The following NSUN7 variants were observed in gnomAD, a reference collection of about 807,000 sequenced individuals.
NSUN7 encodes the protein NOP2/Sun RNA methyltransferase family member 7.
In NSUN7, 39 loss-of-function variants were observed where a neutral mutation model predicts 58.5. The ratio of observed to expected loss-of-function variants is 0.67; its 90% CI spans 0.52 to 0.87. NSUN7 has a LOEUF of 0.87. Among genes scored for constraint, NSUN7 ranks in the 40% least tolerant of loss-of-function variants. The pLI, the probability that NSUN7 is intolerant of heterozygous loss-of-function variation, is 0.00. For synonymous variants in NSUN7, 278 were observed against 303.7 expected, an observed-to-expected ratio of 0.92 and a Z score of 0.88; for missense variants, 765 against 844.1, an observed-to-expected ratio of 0.91 and a Z score of 1.16.
intron 3 of NSUN7, among the ~76,000 whole-genome samples, chr4:40,760,775 T>C (rs987452205): frequency 2.0e-5 from 3 of 150,556 alleles, no homozygotes; most frequent in African/African-American, 7.4e-5. Context: ...GCAGGAGAAT[T>C]GCTTGAAAAC....
chr4:40,807,319 C>G (rs930403773), intron 11 of NSUN7, 135 bp downstream of exon 11: 14 of 769,272 alleles, frequency 1.8e-5, no homozygotes, highest in African/African-American at 1.5e-4. Context: ...AGCTGAAGGG[C>G]AGGAACAAGA....
At chr4:40,805,784 T>C (rs1279299219) in intron 10 of NSUN7, among the ~76,000 whole-genome samples, 1 of 152,170 alleles carries the variant, frequency 6.6e-6, no homozygotes, top group Non-Finnish European at 1.5e-5. Context: ...TCCCAGCTTG[T>C]GGTGGTTGCT....
At chr4:40,789,123 T>A (rs1218529830) in intron 7 of NSUN7, among the ~76,000 whole-genome samples, 1 of 152,206 alleles carries the variant, frequency 6.6e-6, no homozygotes, top group Non-Finnish European at 1.5e-5. Flanking sequence ...TGTTAAGTAG[T>A]TTTGCCTCTT....
intron 7 of NSUN7, among the ~76,000 whole-genome samples, chr4:40,788,888 AC>A: frequency 6.6e-6 from 1 of 152,282 alleles, no homozygotes; most frequent in South Asian, 2.1e-4. Flanking sequence ...TGCAGTTCTT[AC>A]ATCTGTACAC....
At chr4:40,755,779 A>G (rs1741113736) in intron 2 of NSUN7, among the ~76,000 whole-genome samples, 1 of 152,228 alleles carries the variant, frequency 6.6e-6, no homozygotes, top group Non-Finnish European at 1.5e-5. Context: ...CAGTGAAAGG[A>G]CAGATTAAAA....
At chr4:40,751,443 A>G (rs1486777805) in intron 2 of NSUN7, among the ~76,000 whole-genome samples, 1 of 152,056 alleles carries the variant, frequency 6.6e-6, no homozygotes, top group Non-Finnish European at 1.5e-5. Context: ...ATTTCTTTCC[A>G]TTCCCTGTGT....
chr4:40,801,466 T>C (rs1432699750), intron 10 of NSUN7, among the ~76,000 whole-genome samples: 1 of 152,246 alleles, frequency 6.6e-6, no homozygotes, highest in African/African-American at 2.4e-5. Context: ...ACTTTCCCAC[T>C]GTTTTCAACT....
At position 40,765,402 on chromosome 4, in the gene NSUN7, G is replaced by A. The variant is rs199891471; in HGVS notation, c.488+4101G>A. On this transcript the variant is annotated intron_variant, in intron 4 of 11. Transcript: ENST00000381782. ...GATCAGATAGTTGTAGATATGTGGC[G>A]TTATTTCTGAGGGCTCTGTTCTGTT... is the stretch of plus-strand genomic sequence containing the variant. 3.4e-4 allele frequency among the ~76,000 whole-genome samples: 50 copies of A among 148,090 alleles called. No homozygotes were observed. The East Asian group carries it at 9.9e-3, about 29-fold the overall frequency.
intron 4 of NSUN7, chr4:40,773,004 A>G (rs1163572989): frequency 6.6e-6 from 1 of 152,246 alleles, no homozygotes; most frequent in Non-Finnish European, 1.5e-5. Context: ...TTGAGCCATC[A>G]TGGTGATGCT....
Position 40,807,094 on chromosome 4 carries a change from A to C in NSUN7, c.1434A>C (p.Leu478Phe). ...LSPPVLPLCSLKEIQLSTDKF... is the reference protein window; with the variant it reads ...LSPPVLPLCSFKEIQLSTDKF... The stretch of plus-strand genomic sequence containing the variant: ...CTCCTGTTCTTCCACTGTGCTCCTT[A>C]AAGGAAATTCAATTGTCTACTGATA... The change falls in exon 11 of 12, where the codon TTA becomes TTC. Residue 478 changes from leucine to phenylalanine, a missense_variant. Leu to Phe is a conservative substitution (Grantham distance 22). Transcript: ENST00000381782. 1 of 1,551,796 alleles carries C rather than the reference A, an allele frequency of 6.4e-7. No individual in the cohort carries two copies. Among genetic ancestry groups the C allele is most frequent in the Non-Finnish European group, 8.7e-7 (1 of 1,146,908 alleles).
chr4:40,790,064 CT>C (rs60071501), intron 7 of NSUN7, among the ~76,000 whole-genome samples: 33,358 of 121,134 alleles, frequency 0.28, 3,692 homozygotes, highest in Non-Finnish European at 0.31. Context: ...CCTCCCCCAC[CT>C]TTTTTTTTTT....
At chr4:40,807,335 C>T (rs915612949) in intron 11 of NSUN7, among the ~76,000 whole-genome samples, 151 bp downstream of exon 11, 10 of 147,610 alleles carry the variant, frequency 6.8e-5, no homozygotes, top group Non-Finnish European at 1.5e-4. Flanking sequence ...CAAGAATTGG[C>T]AAATAAGCCC....
rs763964466 is a variant in NSUN7, at chr4:40,794,439, T to C, written c.1245T>C (p.Ala415=). The change falls in exon 9 of 12, where the codon GCT becomes GCC. Residue 415 remains alanine, a synonymous_variant. Transcript: ENST00000381782. ...GISVDKLHVL[A]QQQYEQLTHA... is the part of the protein sequence containing the mutation. Reference sequence around the variant, plus strand: ...CAGTGGACAAACTTCACGTTCTTGCTCAACAGCAGTATGAACAGCTAACAC... The same window carrying C: ...CAGTGGACAAACTTCACGTTCTTGCCCAACAGCAGTATGAACAGCTAACAC... The C allele has an allele frequency of 9.9e-6, 16 of 1,612,462 alleles. No homozygotes were observed. Among genetic ancestry groups the C allele is most frequent in the Non-Finnish European group, 1.4e-5 (16 of 1,178,866 alleles).
At chr4:40,757,535 TTATA>T (rs1246460084) in intron 2 of NSUN7, among the ~76,000 whole-genome samples, 3 of 144,308 alleles carry the variant, frequency 2.1e-5, no homozygotes, top group African/African-American at 5.1e-5. Context: ...AAAGGTAAAA[TTATA>T]TATATATATA....
intron 7 of NSUN7, among the ~76,000 whole-genome samples, chr4:40,780,210 G>T (rs755686112): frequency 1.1e-4 from 17 of 152,152 alleles, no homozygotes; most frequent in Non-Finnish European, 1.5e-4. Context: ...AACCCCAGAC[G>T]CAGAGGTTGC....
chr4:40,777,565 C>T (rs1742330836), intron 7 of NSUN7, among the ~76,000 whole-genome samples: 1 of 152,200 alleles, frequency 6.6e-6, no homozygotes, highest in African/African-American at 2.4e-5. Flanking sequence ...ATCCACCCAT[C>T]TTGGCCTCCC....
chr4:40,800,493 C>A (rs1743533243), intron 10 of NSUN7, among the ~76,000 whole-genome samples: 1 of 152,110 alleles, frequency 6.6e-6, no homozygotes, highest in Non-Finnish European at 1.5e-5. Flanking sequence ...ACACGTGGTA[C>A]TTCACCTGGC....
At position 40,776,100 on chromosome 4, in the gene NSUN7, G is replaced by T. The variant is rs1742249186; in HGVS notation, c.877G>T (p.Asp293Tyr). Residue 293 changes from aspartate to tyrosine, a missense_variant, in exon 7 of 12, where the codon GAT (aspartate) becomes TAT (tyrosine). By Grantham distance (160) the Asp-to-Tyr change is radical (BLOSUM62 -3). Coordinates refer to ENST00000381782, the MANE Select transcript of NSUN7 (RefSeq NM_024677.6). Reference protein sequence around the residue: ...VHSVKALLNMDDDVLMVNTGS... With the variant: ...VHSVKALLNMYDDVLMVNTGS... ...TTCTGTAAAGGCTTTATTAAATATG[G>T]ATGATGATGTCTTAATGGTCAATAC... 1 of 1,609,786 alleles carries T rather than the reference G, an allele frequency of 6.2e-7. No individual in the cohort carries two copies. Among genetic ancestry groups the T allele is most frequent in the Admixed American group, 1.7e-5 (1 of 59,258 alleles).
intron 4 of NSUN7, among the ~76,000 whole-genome samples, chr4:40,763,149 C>T (rs1300004643): frequency 6.6e-6 from 1 of 152,196 alleles, no homozygotes; most frequent in Non-Finnish European, 1.5e-5. Flanking sequence ...TATATGCTAG[C>T]ATTCCTTCCA....
Sources: allele counts gnomAD v4.1 joint callset (sites outside exome capture counted in the v4.1 genomes callset), GRCh38; gene constraint gnomAD v4.1.1; transcripts MANE v1.5; gene names NCBI Gene and HGNC (gene_info 2026-07-23, HGNC 2026-07-21).